EIF2AK2: variants seen among roughly 807,000 people sequenced by gnomAD.
The protein encoded by EIF2AK2 is interferon-induced, double-stranded RNA-activated protein kinase.
In EIF2AK2, 40 loss-of-function variants were observed where a neutral mutation model predicts 70.5. The ratio of observed to expected loss-of-function variants is 0.57; its 90% CI spans 0.44 to 0.74. The LOEUF (loss-of-function observed/expected upper bound fraction) is 0.74, where lower values mean the gene tolerates loss of function less well. Ranked by LOEUF, EIF2AK2 falls within the 30% of genes least tolerant of loss-of-function variation. The pLI, the probability that EIF2AK2 is intolerant of heterozygous loss-of-function variation, is 0.00. For synonymous variants in EIF2AK2, 198 were observed against 220.9 expected, an observed-to-expected ratio of 0.90 and a Z score of 0.92; for missense variants, 555 against 644.3, an observed-to-expected ratio of 0.86 and a Z score of 1.50.
Position 37,137,034 on chromosome 2 carries a change from T to C in EIF2AK2, c.688-17A>G, listed in dbSNP as rs1217539894. The C allele has an allele frequency of 1.3e-6, 2 of 1,596,230 alleles. No homozygotes were observed. Among genetic ancestry groups the C allele is most frequent in the African/African-American group, 2.7e-5 (2 of 74,264 alleles). The stretch of plus-strand genomic sequence containing the variant: ...GAGACCATTCTATAACAAAAGAAAA[T>C]GAGAAATAGTTTCAGATGACTAAAT... On this transcript the variant is annotated splice_polypyrimidine_tract_variant and intron_variant, in intron 8 of 16. Transcript: ENST00000233057.
At chr2:37,121,036 G>C (rs1395332021) in intron 12 of EIF2AK2, among the ~76,000 whole-genome samples, 5 of 149,164 alleles carry the variant, frequency 3.4e-5, no homozygotes, top group African/African-American at 1.2e-4. Context: ...GGCCGAGGCG[G>C]GTGGATCACG....
chr2:37,111,652 G>A (rs1310899716), intron 14 of EIF2AK2, among the ~76,000 whole-genome samples: 1 of 149,776 alleles, frequency 6.7e-6, no homozygotes, highest in Non-Finnish European at 1.5e-5. Context: ...CCAGGAATTC[G>A]AGACCAGCCT....
At chr2:37,121,320 A>G (rs1674543103) in intron 12 of EIF2AK2, among the ~76,000 whole-genome samples, 1 of 151,242 alleles carries the variant, frequency 6.6e-6, no homozygotes, top group South Asian at 2.1e-4. Context: ...CCCATTCTTC[A>G]TTGCTGAAGA....
intron 1 of EIF2AK2, among the ~76,000 whole-genome samples, chr2:37,153,717 T>G (rs898775713): frequency 4.6e-5 from 7 of 152,218 alleles, no homozygotes; most frequent in Admixed American, 6.5e-5. Context: ...CATATTTTGT[T>G]CATGCATTCA....
chr2:37,145,435 G>A (rs370447745), intron 4 of EIF2AK2, among the ~76,000 whole-genome samples: 2 of 152,122 alleles, frequency 1.3e-5, no homozygotes, highest in African/African-American at 4.8e-5. Context: ...GAGCCACCGC[G>A]CCTGGCCGCG....
Position 37,116,580 on chromosome 2 carries a change from G to C in EIF2AK2, c.1249-1721C>G, listed in dbSNP as rs548420700. 3.9e-5 allele frequency among the ~76,000 whole-genome samples: 6 copies of C among 152,322 alleles called. No homozygotes were observed. In the South Asian group the frequency reaches 6.2e-4, roughly 16 times the overall value. ...ACCATAAGCCCAGGGAAGGCTGAAG[G>C]AGGAGCTTCCGAGAAGCCAGCTTGA... On this transcript the variant is annotated intron_variant, in intron 13 of 16. Transcript: ENST00000233057.
In EIF2AK2 at chr2:37,137,017, T is replaced by G; in HGVS notation, c.688A>C (p.Asn230His). 6.2e-7 allele frequency: 1 copy of G among 1,602,720 alleles called. No homozygotes were observed. Among genetic ancestry groups the G allele is most frequent in the African/African-American group, 1.3e-5 (1 of 74,538 alleles). The change falls in exon 9 of 17, where the codon AAT (asparagine) becomes CAT (histidine). Residue 230 changes from asparagine to histidine, a missense_variant and splice_region_variant. Asn to His is a moderately conservative substitution (Grantham distance 68). This residue lies in a region of EIF2AK2 where 208 missense variants were observed against 191.8 expected (regional missense o/e 1.08). Transcript: ENST00000233057. ...TTCCTTTGATTATTTCTGAGACCAT[T>G]CTATAACAAAAGAAAATGAGAAATA... Reference protein sequence around the residue: ...DSLNSSSLLMNGLRNNQRKAK... With the variant: ...DSLNSSSLLMHGLRNNQRKAK...
chr2:37,145,264 TC>T (rs1675489848), intron 4 of EIF2AK2, among the ~76,000 whole-genome samples: 1 of 149,654 alleles, frequency 6.7e-6, no homozygotes, highest in Non-Finnish European at 1.5e-5. Flanking sequence ...TGCCTCAGCC[TC>T]CCAAGTAGCC....
chr2:37,115,601 T>C (rs1355522385), intron 13 of EIF2AK2, among the ~76,000 whole-genome samples: 1 of 152,174 alleles, frequency 6.6e-6, no homozygotes, highest in African/African-American at 2.4e-5. Context: ...GAACAACCAC[T>C]TGAGGAAATG....
chr2:37,114,197 G>A (rs1674256712), intron 14 of EIF2AK2, among the ~76,000 whole-genome samples: 1 of 152,138 alleles, frequency 6.6e-6, no homozygotes, highest in African/African-American at 2.4e-5. Flanking sequence ...CTACTCAGGA[G>A]GCTGAGGTGG....
rs890774405 is a variant in EIF2AK2, at chr2:37,125,020, A to AT, written c.908+1268dup. Reference sequence around the variant, plus strand: ...TATTCTTTTTATTATTTTTATTTTTATTTTTTTTTGAGAGGGAGTTTCGCT... The same window carrying AT: ...TATTCTTTTTATTATTTTTATTTTTATTTTTTTTTTGAGAGGGAGTTTCGCT... On this transcript the variant is annotated intron_variant, in intron 11 of 16. Transcript: ENST00000233057. Among the ~76,000 whole-genome samples, 109 of 149,370 alleles carry AT rather than the reference A, an allele frequency of 7.3e-4. No individual in the cohort carries two copies. In the South Asian group the frequency reaches 0.016, roughly 22 times the overall value.
chr2:37,122,836 C>G (rs1674602585), intron 11 of EIF2AK2, among the ~76,000 whole-genome samples, 172 bp from the exon 12 acceptor site: 1 of 152,010 alleles, frequency 6.6e-6, no homozygotes, highest in Non-Finnish European at 1.5e-5. Context: ...AGTGAACATA[C>G]TGAAAAAAAA....
intron 9 of EIF2AK2, 177 bp downstream of exon 9, chr2:37,136,806 C>A: frequency 1.9e-6 from 1 of 526,416 alleles, no homozygotes; most frequent in Non-Finnish European, 3.3e-6. Flanking sequence ...GTAGCATGTG[C>A]ACATAGTCAA....
chr2:37,143,247 A>G (rs1675403149), intron 4 of EIF2AK2, among the ~76,000 whole-genome samples: 5 of 150,760 alleles, frequency 3.3e-5, no homozygotes, highest in African/African-American at 1.2e-4. Flanking sequence ...AAAAGAATCA[A>G]TGTTGGTCTG....
intron 11 of EIF2AK2, among the ~76,000 whole-genome samples, 199 bp from the exon 12 acceptor site, chr2:37,122,863 C>G (rs1674603801): frequency 6.6e-6 from 1 of 152,110 alleles, no homozygotes. Context: ...AGTTCTCACT[C>G]TCAAGATAAA....
chr2:37,138,317 C>G lies in EIF2AK2; in HGVS notation c.640G>C (p.Glu214Gln). 1 of 1,613,972 alleles carries G rather than the reference C, an allele frequency of 6.2e-7. No individual in the cohort carries two copies. Among genetic ancestry groups the G allele is most frequent in the East Asian group, 2.2e-5 (1 of 44,838 alleles). The change falls in exon 8 of 17, where the codon GAG becomes CAG. Residue 214 changes from glutamate (E) to glutamine (Q), a missense_variant. Physicochemically the swap from Glu to Gln is conservative, Grantham distance 29. Around this residue, in one of 3 missense-constraint regions of EIF2AK2, gnomAD observed 208 missense variants for 191.8 expected, o/e 1.08. Coordinates refer to ENST00000233057, the MANE Select transcript of EIF2AK2 (RefSeq NM_001135651.3). ...AAACTGTCACTGTTAGAATTTATCT[C>G]TGATGTATCTGCTGAGAAGTCACCT... The part of the protein sequence containing the change: ...SEGDFSADTS[E>Q]INSNSDSLNS...
chr2:37,153,830 T>C (rs1308203533), intron 1 of EIF2AK2, among the ~76,000 whole-genome samples: 6 of 152,186 alleles, frequency 3.9e-5, no homozygotes, highest in Non-Finnish European at 8.8e-5. Context: ...CTTCTGAATA[T>C]TTGTGGTATA....
At chr2:37,138,189 G>T in intron 8 of EIF2AK2, 81 bp downstream of exon 8, 2 of 1,060,658 alleles carry the variant, frequency 1.9e-6, no homozygotes, top group South Asian at 1.5e-5. Context: ...AAATTATGGT[G>T]GAATACTGGA....
At position 37,148,997 on chromosome 2, in the gene EIF2AK2, G is replaced by A; in HGVS notation, c.-157C>T. ...AGGTCATTACAATTTACAAATCCAG[G>A]AAGGCAAACTGAATTTGCTCCAGAA... On this transcript the variant is annotated 5_prime_UTR_variant, in exon 2 of 17. Transcript: ENST00000233057. 2 of 868,522 alleles carry A rather than the reference G, an allele frequency of 2.3e-6. No homozygotes were observed. The highest frequency in any genetic ancestry group is 1.6e-5 in the African/African-American group (1 of 61,030). The allele number at this position is 868,522 out of a possible 1,614,324, so 53.8% of individuals were successfully genotyped here. A position where few individuals can be genotyped will look rare whatever the true frequency, so the allele number is the denominator to read the frequency against.
Sources: allele counts gnomAD v4.1 joint callset (sites outside exome capture counted in the v4.1 genomes callset), GRCh38; gene constraint gnomAD v4.1.1; regional missense constraint gnomAD v4.1.1; transcripts MANE v1.5; gene names NCBI Gene and HGNC (gene_info 2026-07-23, HGNC 2026-07-21).